IGFBP7: variants seen among roughly 807,000 people sequenced by gnomAD.
The protein encoded by IGFBP7 is insulin like growth factor binding protein 7, also known as insulin-like growth factor-binding protein 7.
In IGFBP7, 31 loss-of-function variants were observed where a neutral mutation model predicts 29.4. The observed-to-expected ratio is 1.05, with a 90% CI of 0.79 to 1.42. The LOEUF (loss-of-function observed/expected upper bound fraction) is 1.42. IGFBP7 is among the 40% of genes most tolerant of loss of function. IGFBP7 has a pLI of 0.00. For synonymous variants in IGFBP7, 172 were observed against 174.9 expected (o/e 0.98, Z 0.13); for missense variants, 393 against 395.5 (o/e 0.99, Z 0.05).
chr4:57,031,773 A>C (rs1198188957), intron 4 of IGFBP7, among the ~76,000 whole-genome samples: 1 of 152,240 alleles, frequency 6.6e-6, no homozygotes, highest in African/African-American at 2.4e-5. Flanking sequence ...GAATCTGACC[A>C]AATACTTCTT....
rs937450178 is a variant in IGFBP7 at position 57,057,068 on chromosome 4, C to T, written c.476-16135G>A. Among the ~76,000 whole-genome samples, 8 of 152,162 alleles carry T rather than the reference C, an allele frequency of 5.3e-5. No individual in the cohort carries two copies. In the South Asian group the frequency reaches 1.0e-3, roughly 20 times the overall value. ...TTATCCAGGATGGAGTATAGTAGCACGATCATGGCTCACTGCAGCTTCGTC... is the reference window on the plus strand; with the variant it reads ...TTATCCAGGATGGAGTATAGTAGCATGATCATGGCTCACTGCAGCTTCGTC... On this transcript the variant is annotated intron_variant, in intron 1 of 4. Coordinates refer to ENST00000295666, the MANE Select transcript of IGFBP7 (RefSeq NM_001553.3).
At position 57,058,053 on chromosome 4, in the gene IGFBP7, A is replaced by G. The variant is rs1014245154; in HGVS notation, c.476-17120T>C. Among the ~76,000 whole-genome samples, 8 of 152,190 alleles carry G rather than the reference A, an allele frequency of 5.3e-5. No individual in the cohort carries two copies. In the East Asian group the frequency reaches 1.5e-3, roughly 29 times the overall value. ...AACAGGGAGTCATGGTCTGTGGAAC[A>G]GAGAGAGAGAAGATTAATCCCATTC... is the stretch of plus-strand genomic sequence containing the variant. On this transcript the variant is annotated intron_variant, in intron 1 of 4. Transcript: ENST00000295666.
At chr4:57,047,907 G>A (rs189812779) in intron 1 of IGFBP7, among the ~76,000 whole-genome samples, 82 of 152,158 alleles carry the variant, frequency 5.4e-4, no homozygotes, top group African/African-American at 2.0e-3. Context: ...GCTAAATTTT[G>A]TATTTTTTTA....
intron 2 of IGFBP7, among the ~76,000 whole-genome samples, chr4:57,036,089 T>C (rs1208254468): frequency 6.6e-6 from 1 of 152,234 alleles, no homozygotes; most frequent in Non-Finnish European, 1.5e-5. Flanking sequence ...TAAATTACAG[T>C]ATTCATACTT....
intron 1 of IGFBP7, among the ~76,000 whole-genome samples, chr4:57,076,220 C>T (rs188686058): frequency 3.4e-4 from 52 of 152,306 alleles, no homozygotes; most frequent in East Asian, 1.3e-3. Context: ...ATTCACCTCT[C>T]GAAGGCCTCA....
intron 1 of IGFBP7, chr4:57,073,063 A>G (rs1347363738): frequency 1.4e-6 from 2 of 1,444,564 alleles, no homozygotes; most frequent in African/African-American, 2.8e-5. Flanking sequence ...AGCTCTGGAA[A>G]CCCCCCACAG....
rs28506857 is a variant in IGFBP7, at chr4:57,087,575, T to C, written c.475+22302A>G. On this transcript the variant is annotated intron_variant, in intron 1 of 4. Coordinates refer to ENST00000295666, the MANE Select transcript of IGFBP7 (RefSeq NM_001553.3). The stretch of plus-strand genomic sequence containing the variant: ...AGGGGAGGAGTGGACCAGAGGTATA[T>C]AGGAAAAAAGTAAATAACTGACACA... 6.9e-3 allele frequency among the ~76,000 whole-genome samples: 1,056 copies of C among 152,234 alleles called. 13 individuals are homozygous for C. The highest frequency in any genetic ancestry group is 0.024 in the African/African-American group (997 of 41,532).
intron 1 of IGFBP7, among the ~76,000 whole-genome samples, chr4:57,063,395 A>G (rs988788670): frequency 6.6e-6 from 1 of 152,204 alleles, no homozygotes; most frequent in African/African-American, 2.4e-5. Context: ...GATTCTCTCT[A>G]GTTCTTTCCT....
intron 1 of IGFBP7, among the ~76,000 whole-genome samples, chr4:57,096,045 C>T (rs999038292): frequency 1.3e-5 from 2 of 151,842 alleles, no homozygotes; most frequent in African/African-American, 2.4e-5. Context: ...GCTAATGGAG[C>T]GTATGTTCTA....
intron 1 of IGFBP7, among the ~76,000 whole-genome samples, chr4:57,091,560 A>G (rs1725635947): frequency 6.6e-6 from 1 of 152,224 alleles, no homozygotes; most frequent in Non-Finnish European, 1.5e-5. Flanking sequence ...TGTGAGGATT[A>G]AAAAAGGTGA....
chr4:57,044,084 G>A lies in IGFBP7; in HGVS notation c.476-3151C>T, dbSNP rs561128285. 5.9e-5 allele frequency among the ~76,000 whole-genome samples: 9 copies of A among 152,322 alleles called. No individual in the cohort carries two copies. The East Asian group carries it at 1.7e-3, about 29-fold the overall frequency. The stretch of plus-strand genomic sequence containing the variant: ...TTCAGAGATTTGAGGGGGAGCTCGG[G>A]AACAAAGCTGCTTCTCTCATATCCA... On this transcript the variant is annotated intron_variant, in intron 1 of 4. Transcript: ENST00000295666.
intron 1 of IGFBP7, among the ~76,000 whole-genome samples, chr4:57,063,239 T>G (rs1724839866): frequency 6.6e-6 from 1 of 152,166 alleles, no homozygotes; most frequent in Non-Finnish European, 1.5e-5. Flanking sequence ...CTCACCTCTC[T>G]TCACTCCTGA....
At chr4:57,080,329 G>A (rs532078862) in intron 1 of IGFBP7, among the ~76,000 whole-genome samples, 4 of 152,304 alleles carry the variant, frequency 2.6e-5, no homozygotes, top group East Asian at 1.9e-4. Context: ...AGATTCAAAG[G>A]AGGGAAATTG....
At chr4:57,092,654 A>T (rs1725668792) in intron 1 of IGFBP7, among the ~76,000 whole-genome samples, 1 of 150,922 alleles carries the variant, frequency 6.6e-6, no homozygotes, top group Admixed American at 6.6e-5. Context: ...CACTAATGTC[A>T]ATACATAAAA....
At chr4:57,035,547 G>T (rs548736428) in intron 2 of IGFBP7, among the ~76,000 whole-genome samples, 1 of 152,014 alleles carries the variant, frequency 6.6e-6, no homozygotes, top group Non-Finnish European at 1.5e-5. Flanking sequence ...CTCTGCCTCC[G>T]CCTCCGGGAT....
chr4:57,106,096 C>T (rs1283850407), intron 1 of IGFBP7, among the ~76,000 whole-genome samples: 3 of 151,930 alleles, frequency 2.0e-5, no homozygotes, highest in Non-Finnish European at 4.4e-5. Context: ...TTAGTAGAGA[C>T]GGTGTTTCAT....
intron 1 of IGFBP7, among the ~76,000 whole-genome samples, chr4:57,081,448 C>T (rs981967375): frequency 2.6e-5 from 4 of 152,124 alleles, no homozygotes; most frequent in Non-Finnish European, 5.9e-5. Flanking sequence ...ACATTCCTGA[C>T]CTCTGTTTAA....
intron 1 of IGFBP7, among the ~76,000 whole-genome samples, chr4:57,090,266 T>C (rs778554845): frequency 3.9e-5 from 6 of 152,236 alleles, no homozygotes; most frequent in Non-Finnish European, 5.9e-5. Context: ...TTTGTTTGCG[T>C]AAGAATTTCC....
At chr4:57,109,625 C>A (rs1309688298) in intron 1 of IGFBP7, 8 of 552,516 alleles carry the variant, frequency 1.4e-5, no homozygotes, top group Admixed American at 3.6e-5. Context: ...TACATATACA[C>A]CCGGCCCTCA....
Sources: allele counts gnomAD v4.1 joint callset (sites outside exome capture counted in the v4.1 genomes callset), GRCh38; gene constraint gnomAD v4.1.1; transcripts MANE v1.5; gene names NCBI Gene and HGNC (gene_info 2026-07-23, HGNC 2026-07-21).